POLE: variants seen among roughly 807,000 people sequenced by gnomAD.
The protein encoded by POLE is DNA polymerase epsilon, catalytic subunit.
A neutral mutation model predicts 279.2 loss-of-function variants in POLE; 188 were observed. The ratio of observed to expected loss-of-function variants is 0.67; its 90% CI spans 0.60 to 0.76. POLE has a LOEUF of 0.76. Among genes scored for constraint, POLE ranks in the 30% least tolerant of loss-of-function variants. POLE has a pLI of 0.00. For synonymous variants in POLE, 1,214 were observed against 1,172.5 expected (o/e 1.04, Z -0.72); for missense variants, 2,703 against 3,016.7 (o/e 0.90, Z 2.44).
chr12:132,637,616 G>GAAC lies in POLE; in HGVS notation c.5678+395_5678+397dup, dbSNP rs528331846. Among the ~76,000 whole-genome samples the GAAC allele has an allele frequency of 8.5e-5, 13 of 152,296 alleles. No individual in the cohort carries two copies. In the South Asian group the frequency reaches 1.7e-3, roughly 19 times the overall value. On this transcript the variant is annotated intron_variant, in intron 41 of 48. Transcript: ENST00000320574. ...GAGCTGTGCACACCTGAGCACCCGG[G>GAAC]AACCACACCACTCCACTCGCCAACA...
Position 132,639,043 on chromosome 12 carries a change from TGGCCATGTCTCTGGTTCTGG to T in POLE, c.5552+62_5552+81del. 1 of 1,184,232 alleles carries T rather than the reference TGGCCATGTCTCTGGTTCTGG, an allele frequency of 8.4e-7. No individual in the cohort carries two copies. Among genetic ancestry groups the T allele is most frequent in the Non-Finnish European group, 1.2e-6 (1 of 801,550 alleles). 73.4% of individuals were successfully genotyped at this position (1,184,232 alleles called of 1,614,324 possible). A position where few individuals can be genotyped will look rare whatever the true frequency, so the allele number is the denominator to read the frequency against. ...CACTACTTATCCCAGAGGCACTGGCTGGCCATGTCTCTGGTTCTGGGGAGTAAGGGACCAGCCCAGCTGAG... is the reference window on the plus strand; with the variant it reads ...CACTACTTATCCCAGAGGCACTGGCTGGAGTAAGGGACCAGCCCAGCTGAG... On this transcript the variant is annotated intron_variant, in intron 40 of 48. Coordinates refer to ENST00000320574, the MANE Select transcript of POLE (RefSeq NM_006231.4). This position sits in a 1 kb window ranked among gnomAD's most constrained non-coding sequence, Gnocchi z 4.7.
Position 132,676,045 on chromosome 12 carries a change from TC to T in POLE, c.1020+48del, listed in dbSNP as rs1353157717. 2.4e-6 allele frequency: 3 copies of T among 1,235,844 alleles called. No individual in the cohort carries two copies. The African/African-American group carries it at 4.5e-5, about 19-fold the overall frequency. The allele number at this position is 1,235,844 out of a possible 1,614,324, so 76.6% of individuals were successfully genotyped here. ...CTGAGGCCTTGGAAAGATCCACATG[TC>T]CGTTCTTCCCACAATACCGGGTAGT... On this transcript the variant is annotated intron_variant, in intron 10 of 48. Transcript: ENST00000320574.
At chr12:132,666,598 A>G (rs943089617) in intron 20 of POLE, among the ~76,000 whole-genome samples, 1 of 152,236 alleles carries the variant, frequency 6.6e-6, no homozygotes, top group Non-Finnish European at 1.5e-5. Context: ...AGAAAGCATC[A>G]TGCTAAGTGA....
intron 29 of POLE, among the ~76,000 whole-genome samples, chr12:132,655,432 A>G (rs2042511876): frequency 6.6e-6 from 1 of 152,160 alleles, no homozygotes; most frequent in South Asian, 2.1e-4. Flanking sequence ...AAGGATAGGT[A>G]TTCTCTAATT....
At chr12:132,625,842 G>C in intron 46 of POLE, 72 bp from the exon 47 acceptor site, 1 of 1,564,402 alleles carries the variant, frequency 6.4e-7, no homozygotes, top group Non-Finnish European at 8.6e-7. Context: ...AGGATCTCAG[G>C]AGAGGAAGGG....
chr12:132,640,405 G>A (rs1406108282), intron 39 of POLE, among the ~76,000 whole-genome samples: 2 of 152,258 alleles, frequency 1.3e-5, no homozygotes, highest in Non-Finnish European at 1.5e-5. Context: ...CCCCTACACC[G>A]AAGCAATGGT....
intron 26 of POLE, chr12:132,658,360 G>A (rs1247779308): frequency 5.2e-6 from 1 of 194,078 alleles, no homozygotes; most frequent in Non-Finnish European, 1.1e-5. Flanking sequence ...CCATGTGCAT[G>A]CACATACATA....
intron 29 of POLE, among the ~76,000 whole-genome samples, chr12:132,651,633 G>A (rs964931392): frequency 1.3e-5 from 2 of 152,216 alleles, no homozygotes; most frequent in African/African-American, 2.4e-5. Flanking sequence ...CCTGAGTGGG[G>A]GTGGGACCCG....
rs534524789 is a variant in POLE, at chr12:132,687,321, C to G, written c.-6G>C. 2.5e-5 allele frequency: 37 copies of G among 1,499,518 alleles called. 1 individual carries two copies. Among genetic ancestry groups the G allele is most frequent in the South Asian group, 1.2e-4 (10 of 80,144 alleles). 92.9% of individuals were successfully genotyped at this position (1,499,518 alleles called of 1,614,324 possible). A position where few individuals can be genotyped will look rare whatever the true frequency, so the allele number is the denominator to read the frequency against. ...CCGCCGCTCCTCAGAGACATGGAGC[C>G]GTTGGCTACCACCTCTGCTTCAGGG... On this transcript the variant is annotated 5_prime_UTR_variant, in exon 1 of 49. Transcript: ENST00000320574.
At chr12:132,679,221 C>A (rs534462837) in intron 6 of POLE, among the ~76,000 whole-genome samples, 32 of 152,162 alleles carry the variant, frequency 2.1e-4, no homozygotes, top group Admixed American at 6.5e-4. Flanking sequence ...GATGAGGGAT[C>A]TTTTCCCCTC....
chr12:132,629,621 AAC>A (rs1265295625), intron 45 of POLE, among the ~76,000 whole-genome samples: 1 of 152,216 alleles, frequency 6.6e-6, no homozygotes. Context: ...CATGGAACTG[AAC>A]AGAGTGAGAG....
intron 29 of POLE, among the ~76,000 whole-genome samples, chr12:132,652,232 T>A (rs538105174): frequency 6.6e-6 from 1 of 152,116 alleles, no homozygotes; most frequent in Non-Finnish European, 1.5e-5. Flanking sequence ...CCCTTTGTGA[T>A]GTTTTTCACA....
Position 132,673,619 on chromosome 12 carries a change from G to A in POLE, c.1315C>T (p.Leu439=), listed in dbSNP as rs2135999602. ...ATCCGGCACATGTCCTCCGGGTCTA[G>A]CTCCACGGGATCATAGCCTAGCTTG... The part of the protein sequence containing the change: ...KAKLGYDPVE[L]DPEDMCRMAT... The change falls in exon 13 of 49, where the codon CTA becomes TTA. Residue 439 remains leucine, a synonymous_variant. Transcript: ENST00000320574. 1 of 1,613,778 alleles carries A rather than the reference G, an allele frequency of 6.2e-7. No individual in the cohort carries two copies.
rs1183768886 is a variant in POLE, at chr12:132,657,063, G to A, written c.3582+73C>T. On this transcript the variant is annotated intron_variant, in intron 29 of 48. Transcript: ENST00000320574. Reference sequence around the variant, plus strand: ...CAGAAGCTTCACTACAGCACACACAGCAGCGCAAGAAGCCTGGAGTCCTGT... The same window carrying A: ...CAGAAGCTTCACTACAGCACACACAACAGCGCAAGAAGCCTGGAGTCCTGT... 4.0e-6 allele frequency: 6 copies of A among 1,511,656 alleles called. No individual in the cohort carries two copies. The African/African-American group carries it at 5.5e-5, about 14-fold the overall frequency. 93.6% of individuals were successfully genotyped at this position (1,511,656 alleles called of 1,614,324 possible).
At chr12:132,654,833 CA>C (rs1453534486) in intron 29 of POLE, among the ~76,000 whole-genome samples, 2 of 152,290 alleles carry the variant, frequency 1.3e-5, no homozygotes, top group East Asian at 3.9e-4. Context: ...TAAGTCTTTT[CA>C]AAGAACAACA....
chr12:132,625,843 AGAGG>A, intron 46 of POLE, 73 bp from the exon 47 acceptor site: 2 of 1,560,558 alleles, frequency 1.3e-6, no homozygotes, highest in African/African-American at 1.3e-5. Flanking sequence ...GGATCTCAGG[AGAGG>A]AAGGGGCTGT....
intron 43 of POLE, 131 bp from the exon 44 acceptor site, chr12:132,632,926 G>T: frequency 9.8e-7 from 1 of 1,023,038 alleles, no homozygotes; most frequent in Non-Finnish European, 1.4e-6. Context: ...AATTTTATCT[G>T]CAGCCTTTAG....
chr12:132,661,763 G>T lies in POLE; in HGVS notation c.2707-79C>A. On this transcript the variant is annotated intron_variant, in intron 23 of 48. Transcript: ENST00000320574. This position sits in a 1 kb window ranked among gnomAD's most constrained non-coding sequence, Gnocchi z 4.1. ...GAAACCACCTGGTGTCCCTCCAGGA[G>T]TGGATGGATTGACAAACCGAGGCTT... 7.0e-7 allele frequency: 1 copy of T among 1,421,908 alleles called. No individual in the cohort carries two copies. The highest frequency in any genetic ancestry group is 9.6e-7 in the Non-Finnish European group (1 of 1,038,082). 88.1% of individuals were successfully genotyped at this position (1,421,908 alleles called of 1,614,324 possible). A position where few individuals can be genotyped will look rare whatever the true frequency, so the allele number is the denominator to read the frequency against.
chr12:132,639,550 T>C lies in POLE; in HGVS notation c.5379-252A>G, dbSNP rs1281922769. ...AGGCTTCACCGCATCCCAAACTCTGTGTGTTCTAAAGCAGGACGGGAGGGC... is the reference window on the plus strand; with the variant it reads ...AGGCTTCACCGCATCCCAAACTCTGCGTGTTCTAAAGCAGGACGGGAGGGC... On this transcript the variant is annotated intron_variant, in intron 39 of 48. Transcript: ENST00000320574. The surrounding 1 kb of genome is among the most constrained non-coding windows in gnomAD (Gnocchi z 4.7). Among the ~76,000 whole-genome samples the C allele has an allele frequency of 4.2e-5, 4 of 95,836 alleles. 1 individual carries two copies. The highest frequency in any genetic ancestry group is 1.8e-4 in the African/African-American group (4 of 22,026). The allele number at this position is 95,836 out of a possible 152,430, so 62.9% of individuals were successfully genotyped here.
Sources: gnomAD v4.1 joint callset for allele counts (sites outside exome capture counted in the v4.1 genomes callset) on GRCh38, gnomAD v4.1.1 for gene constraint, Gnocchi (gnomAD v3.1) non-coding constraint, MANE v1.5 for transcripts, NCBI Gene and HGNC (gene_info 2026-07-23, HGNC 2026-07-21) for gene names.